The following SEPTIN1 variants were observed in gnomAD, a reference collection of about 807,000 sequenced individuals.
SEPTIN1 encodes the protein septin 1, also known as septin-1.
SEPTIN1 carries 52 observed loss-of-function variants against 50.7 expected under a neutral mutation model. The ratio of observed to expected loss-of-function variants is 1.03; its 90% CI spans 0.82 to 1.29. The LOEUF (loss-of-function observed/expected upper bound fraction) is 1.29, where lower values mean the gene tolerates loss of function less well. SEPTIN1 is among the 50% of genes most tolerant of loss of function. The pLI is 0.00. For synonymous variants in SEPTIN1, 204 were observed against 189.1 expected, an observed-to-expected ratio of 1.08 and a Z score of -0.65; for missense variants, 455 against 490.7, an observed-to-expected ratio of 0.93 and a Z score of 0.69.
chr16:30,378,307 T>C lies in SEPTIN1; in HGVS notation c.*127A>G. 1.2e-5 allele frequency: 11 copies of C among 916,238 alleles called. No homozygotes were observed. The highest frequency in any genetic ancestry group is 3.4e-5 in the South Asian group (2 of 59,182). 56.8% of individuals were successfully genotyped at this position (916,238 alleles called of 1,614,324 possible). A position where few individuals can be genotyped will look rare whatever the true frequency, so the allele number is the denominator to read the frequency against. On this transcript the variant is annotated 3_prime_UTR_variant, in exon 11 of 11. Transcript: ENST00000321367. ...GCTACGGACTCAGGCTGGGAGAACC[T>C]CCCCCTAGCCCGCGCGAGGGCGGCA...
rs943177754 is a variant in SEPTIN1, at chr16:30,382,001, A to G, written c.196+92T>C. The stretch of plus-strand genomic sequence containing the variant: ...CAGGGGAGGAAAGTCTCAGAAAAAA[A>G]GCAGTCAACTACCTGAGTCCCCAGA... On this transcript the variant is annotated intron_variant, in intron 3 of 10. Coordinates refer to ENST00000321367, the MANE Select transcript of SEPTIN1 (RefSeq NM_001365977.2). The surrounding 1 kb of genome is among the most constrained non-coding windows in gnomAD (Gnocchi z 4.8). 5 of 1,600,628 alleles carry G rather than the reference A, an allele frequency of 3.1e-6. No individual in the cohort carries two copies. The African/African-American group carries it at 6.7e-5, about 21-fold the overall frequency.
intron 9 of SEPTIN1, 72 bp downstream of exon 9, chr16:30,378,946 C>A: frequency 4.7e-6 from 7 of 1,481,836 alleles, no homozygotes; most frequent in Non-Finnish European, 6.4e-6. Flanking sequence ...GTGGTGGGGA[C>A]GAGTCCTCAG....
chr16:30,379,918 T>C lies in SEPTIN1; in HGVS notation c.675+14A>G, dbSNP rs931734234. ...CACCGTGCCCGGCCTGCCTTCCTTC[T>C]TTGTTTCCCACACCTTCATCTCTGC... On this transcript the variant is annotated intron_variant, in intron 7 of 10. Transcript: ENST00000321367. 1 of 1,440,786 alleles carries C rather than the reference T, an allele frequency of 6.9e-7. No individual in the cohort carries two copies. Among genetic ancestry groups the C allele is most frequent in the Non-Finnish European group, 9.7e-7 (1 of 1,025,722 alleles). 89.3% of individuals were successfully genotyped at this position (1,440,786 alleles called of 1,614,324 possible). A position where few individuals can be genotyped will look rare whatever the true frequency, so the allele number is the denominator to read the frequency against.
Position 30,378,412 on chromosome 16 carries a change from T to C in SEPTIN1, c.*22A>G. The C allele has an allele frequency of 1.3e-6, 2 of 1,548,846 alleles. No homozygotes were observed. Among genetic ancestry groups the C allele is most frequent in the Non-Finnish European group, 1.7e-6 (2 of 1,158,232 alleles). On this transcript the variant is annotated 3_prime_UTR_variant, in exon 11 of 11. Coordinates refer to ENST00000321367, the MANE Select transcript of SEPTIN1 (RefSeq NM_001365977.2). The stretch of plus-strand genomic sequence containing the variant: ...AGGCCGACTGAAGGCGGAGCCGAGG[T>C]AAGGCCGGGCGGGGCGTGGCCTCAG...
chr16:30,379,377 T>G, intron 8 of SEPTIN1, 58 bp downstream of exon 8: 1 of 1,512,024 alleles, frequency 6.6e-7, no homozygotes, highest in Non-Finnish European at 9.2e-7. Context: ...TGAGTGCGCC[T>G]GACCCAGAGG....
chr16:30,381,003 G>A lies in SEPTIN1; in HGVS notation c.573+124C>T, dbSNP rs1311367603. 1.2e-5 allele frequency: 10 copies of A among 826,230 alleles called. No individual in the cohort carries two copies. Among genetic ancestry groups the A allele is most frequent in the South Asian group, 3.0e-5 (2 of 65,908 alleles). 51.2% of individuals were successfully genotyped at this position (826,230 alleles called of 1,614,324 possible). A position where few individuals can be genotyped will look rare whatever the true frequency, so the allele number is the denominator to read the frequency against. ...GGCTTACCACCCGCCTTCCTCAGAA[G>A]CTTCTCCTACAATCTAGCCTGATGC... On this transcript the variant is annotated intron_variant, in intron 6 of 10. Coordinates refer to ENST00000321367, the MANE Select transcript of SEPTIN1 (RefSeq NM_001365977.2). The surrounding 1 kb of genome is among the most constrained non-coding windows in gnomAD (Gnocchi z 4.3).
In SEPTIN1 at chr16:30,381,759, C is replaced by T. The variant is rs1424253875; in HGVS notation, c.320+1G>A. On this transcript the variant is annotated splice_donor_variant, in intron 4 of 10. Transcript: ENST00000321367. LOFTEE classifies it high-confidence loss of function. The surrounding 1 kb of genome is among the most constrained non-coding windows in gnomAD (Gnocchi z 4.3). The stretch of plus-strand genomic sequence containing the variant: ...CCTCTGTCCCCTTTCCTCTTCCTCA[C>T]CAGTCAGAGCAGTCCACTGAGTCCC... The T allele has an allele frequency of 6.2e-7, 1 of 1,613,702 alleles. No homozygotes were observed. Among genetic ancestry groups the T allele is most frequent in the Non-Finnish European group, 8.5e-7 (1 of 1,179,902 alleles).
chr16:30,379,127 G>A lies in SEPTIN1; in HGVS notation c.832C>T (p.His278Tyr), dbSNP rs368567804. Residue 278 changes from histidine to tyrosine, a missense_variant, in exon 9 of 11, where the codon CAC (histidine) becomes TAC (tyrosine). Coordinates refer to ENST00000321367, the MANE Select transcript of SEPTIN1 (RefSeq NM_001365977.2). The stretch of plus-strand genomic sequence containing the variant: ...GTCACCTCTTTCAGGTCCTGCAGGT[G>A]TGTCTGCACCAGCATCCGTCGCAGG... ...LNLRRMLVQT[H>Y]LQDLKEVTHD... 16 of 1,614,164 alleles carry A rather than the reference G, an allele frequency of 9.9e-6. No homozygotes were observed. The highest frequency in any genetic ancestry group is 1.4e-5 in the Non-Finnish European group (16 of 1,180,004).
Position 30,381,176 on chromosome 16 carries a change from C to T in SEPTIN1, c.524G>A (p.Gly175Asp). 1 of 1,614,076 alleles carries T rather than the reference C, an allele frequency of 6.2e-7. No homozygotes were observed. The highest frequency in any genetic ancestry group is 8.5e-7 in the Non-Finnish European group (1 of 1,180,010). The stretch of plus-strand genomic sequence containing the variant: ...CTGGGGCATCAGAGCATCCGCTTTG[C>T]CAATGACTGGGATGATGTTGACTTT... ...HEKVNIIPVI[G>D]KADALMPQET... The change falls in exon 6 of 11, where the codon GGC (glycine) becomes GAC (aspartate). Residue 175 changes from glycine (G) to aspartate (D), a missense_variant. Transcript: ENST00000321367. The surrounding 1 kb of genome is among the most constrained non-coding windows in gnomAD (Gnocchi z 4.3).
Position 30,378,606 on chromosome 16 carries a change from T to C in SEPTIN1, c.1032+4A>G, listed in dbSNP as rs1460646739. The C allele has an allele frequency of 6.2e-7, 1 of 1,610,520 alleles. No individual in the cohort carries two copies. Among genetic ancestry groups the C allele is most frequent in the Non-Finnish European group, 8.5e-7 (1 of 1,179,640 alleles). ...GGTCGGGGGGAAGCGAGGTGCGTGC[T>C]CACCTCTTCGTCTTTCTCGCGGATC... On this transcript the variant is annotated splice_donor_region_variant and intron_variant, in intron 10 of 10. Coordinates refer to ENST00000321367, the MANE Select transcript of SEPTIN1 (RefSeq NM_001365977.2).
chr16:30,380,791 A>G, intron 6 of SEPTIN1: 1 of 311,790 alleles, frequency 3.2e-6, no homozygotes, highest in Non-Finnish European at 6.1e-6. Flanking sequence ...AGAGAGAAAG[A>G]GAGGCCGAGA....
chr16:30,382,716 C>A (rs746137415), upstream of SEPTIN1: 84 of 1,535,680 alleles, frequency 5.5e-5, no homozygotes, highest in Non-Finnish European at 7.2e-5. This position sits in a 1 kb window ranked among gnomAD's most constrained non-coding sequence, Gnocchi z 4.8. Context: ...ACCCCTTTGC[C>A]CATCACCTGT....
chr16:30,382,755 C>G, upstream of SEPTIN1: 1 of 1,536,178 alleles, frequency 6.5e-7, no homozygotes, highest in Non-Finnish European at 8.7e-7. This position sits in a 1 kb window ranked among gnomAD's most constrained non-coding sequence, Gnocchi z 4.8. Context: ...CCATCCTTCA[C>G]ACATCTGGAT....
At chr16:30,378,827 C>G (rs560713592) in intron 9 of SEPTIN1, 127 bp from the exon 10 acceptor site, 32 of 471,554 alleles carry the variant, frequency 6.8e-5, no homozygotes, top group Non-Finnish European at 1.7e-5. Flanking sequence ...AGGTTAGGGC[C>G]GGAGGCAAAG....
At chr16:30,378,855 G>GGAGAGAGGGAGAGGGT (rs1365125617) in intron 9 of SEPTIN1, among the ~76,000 whole-genome samples, 155 bp from the exon 10 acceptor site, 3 of 141,646 alleles carry the variant, frequency 2.1e-5, no homozygotes, top group Non-Finnish European at 4.6e-5. Flanking sequence ...GGAGAGAGGG[G>GGAGAGAGGGAGAGGGT]GAGAGAGGGA....
At chr16:30,380,838 G>T in intron 6 of SEPTIN1, 1 of 466,818 alleles carries the variant, frequency 2.1e-6, no homozygotes, top group Non-Finnish European at 3.9e-6. Flanking sequence ...GGGCTCTGAA[G>T]ACACGGGGTG....
chr16:30,382,587 A>T, upstream of SEPTIN1: 1 of 1,566,960 alleles, frequency 6.4e-7, no homozygotes, highest in South Asian at 1.2e-5. This position sits in a 1 kb window ranked among gnomAD's most constrained non-coding sequence, Gnocchi z 4.8. Flanking sequence ...TGGGGCAGGA[A>T]GCTGAGTGCG....
chr16:30,381,757 C>T lies in SEPTIN1; in HGVS notation c.320+3G>A, dbSNP rs1289182621. 1 of 1,613,880 alleles carries T rather than the reference C, an allele frequency of 6.2e-7. No individual in the cohort carries two copies. The highest frequency in any genetic ancestry group is 2.2e-5 in the East Asian group (1 of 44,870). On this transcript the variant is annotated splice_donor_region_variant and intron_variant, in intron 4 of 10. Transcript: ENST00000321367. The surrounding 1 kb of genome is among the most constrained non-coding windows in gnomAD (Gnocchi z 4.3). The stretch of plus-strand genomic sequence containing the variant: ...AGCCTCTGTCCCCTTTCCTCTTCCT[C>T]ACCAGTCAGAGCAGTCCACTGAGTC...
At chr16:30,379,640 CT>C (rs71149011) in intron 7 of SEPTIN1, 106 bp from the exon 8 acceptor site, 6,803 of 236,342 alleles carry the variant, frequency 0.029, no homozygotes, top group Non-Finnish European at 0.034. Flanking sequence ...GCCCCTTCCT[CT>C]TTTTTTTTTT....
Sources: gnomAD v4.1 joint callset for allele counts (sites outside exome capture counted in the v4.1 genomes callset) on GRCh38, gnomAD v4.1.1 for gene constraint, Gnocchi (gnomAD v3.1) non-coding constraint, MANE v1.5 for transcripts, NCBI Gene and HGNC (gene_info 2026-07-23, HGNC 2026-07-21) for gene names.